The following STAB2 variants were observed in gnomAD, a reference collection of about 807,000 sequenced individuals.
STAB2 encodes the protein stabilin-2.
A neutral mutation model predicts 338.1 loss-of-function variants in STAB2; 288 were observed. That is an observed-to-expected ratio of 0.85 (90% CI 0.77 to 0.94). STAB2 has a LOEUF of 0.94. Ranked by LOEUF, STAB2 falls within the 40% of genes least tolerant of loss-of-function variation. The probability of loss-of-function intolerance (pLI) is 0.00; values close to 1 mark genes in which losing one functional copy is unlikely to be tolerated. For synonymous variants in STAB2, 1,202 were observed against 1,193.3 expected (o/e 1.01, Z -0.15); for missense variants, 3,141 against 3,210.1 (o/e 0.98, Z 0.52).
rs775404298 is a variant in STAB2 at position 103,750,693 on chromosome 12, G to A, written c.6553G>A (p.Ala2185Thr). Reference protein sequence around the residue: ...LQDNGQCHADAKCVDLHFQDT... With the variant: ...LQDNGQCHADTKCVDLHFQDT... ...GGACAATGGGCAGTGCCATGCAGAC[G>A]CCAAATGTGTCGACCTCCACTTCCA... Residue 2185 changes from alanine to threonine, a missense_variant, in exon 60 of 69, where the codon GCC becomes ACC. Ala to Thr is a moderately conservative substitution (Grantham distance 58, BLOSUM62 0). Coordinates refer to ENST00000388887, the MANE Select transcript of STAB2 (RefSeq NM_017564.10). 2.2e-5 allele frequency: 36 copies of A among 1,613,966 alleles called. No homozygotes were observed. The highest frequency in any genetic ancestry group is 2.7e-5 in the Non-Finnish European group (32 of 1,179,854).
At chr12:103,684,835 C>T (rs1236222315) in intron 26 of STAB2, among the ~76,000 whole-genome samples, 154 bp from the exon 27 acceptor site, 1 of 152,220 alleles carries the variant, frequency 6.6e-6, no homozygotes, top group Non-Finnish European at 1.5e-5. Flanking sequence ...AGGAGACTTT[C>T]ACTGCAACAC....
intron 1 of STAB2, among the ~76,000 whole-genome samples, chr12:103,588,692 G>A (rs1353980382): frequency 6.6e-6 from 1 of 152,028 alleles, no homozygotes; most frequent in Non-Finnish European, 1.5e-5. Context: ...TTAAGAAGAG[G>A]GTTTTAAATC....
At position 103,635,321 on chromosome 12, in the gene STAB2, G is replaced by A. The variant is rs561788655; in HGVS notation, c.584-1790G>A. On this transcript the variant is annotated intron_variant, in intron 6 of 68. Transcript: ENST00000388887. Reference sequence around the variant, plus strand: ...ATTCTCCTTCACTAGCTAGCAAAACGTGAAGCCTTATCAATGAAGAGTGCC... The same window carrying A: ...ATTCTCCTTCACTAGCTAGCAAAACATGAAGCCTTATCAATGAAGAGTGCC... Among the ~76,000 whole-genome samples, 112 of 152,316 alleles carry A rather than the reference G, an allele frequency of 7.4e-4. No individual in the cohort carries two copies. In the Middle Eastern group the frequency reaches 0.01, roughly 14 times the overall value.
At chr12:103,765,315 C>A (rs913292398) in intron 68 of STAB2, among the ~76,000 whole-genome samples, 2 of 152,118 alleles carry the variant, frequency 1.3e-5, no homozygotes, top group Non-Finnish European at 2.9e-5. Context: ...AGCCTAAATG[C>A]AGGATTCAGC....
chr12:103,766,698 A>G lies in STAB2; in HGVS notation c.*362A>G, dbSNP rs1191547266. On this transcript the variant is annotated 3_prime_UTR_variant, in exon 69 of 69. Transcript: ENST00000388887. The stretch of plus-strand genomic sequence containing the variant: ...CTGACACAGGAACTGTGCACAATAA[A>G]GGTTTATGGAACAGAAACAAAGTCA... 4 of 199,610 alleles carry G rather than the reference A, an allele frequency of 2.0e-5. No individual in the cohort carries two copies. Among genetic ancestry groups the G allele is most frequent in the African/African-American group, 6.9e-5 (3 of 43,346 alleles). The allele number at this position is 199,610 out of a possible 1,614,324, so 12.4% of individuals were successfully genotyped here.
At chr12:103,745,520 G>A (rs1469297113) in intron 57 of STAB2, among the ~76,000 whole-genome samples, 1 of 152,168 alleles carries the variant, frequency 6.6e-6, no homozygotes, top group Non-Finnish European at 1.5e-5. Context: ...ATGATTATAG[G>A]ACCCACCTCA....
intron 36 of STAB2, 71 bp downstream of exon 36, chr12:103,704,685 A>G: frequency 2.2e-6 from 3 of 1,362,114 alleles, no homozygotes; most frequent in Non-Finnish European, 3.1e-6. Context: ...ATGAACCTCA[A>G]GATTATGTGA....
At chr12:103,591,958 A>G (rs1470637391) in intron 2 of STAB2, among the ~76,000 whole-genome samples, 1 of 150,300 alleles carries the variant, frequency 6.7e-6, no homozygotes, top group Non-Finnish European at 1.5e-5. Context: ...TTTTTTTTTT[A>G]TTTTGCATGA....
chr12:103,692,555 C>A (rs1878028130), intron 30 of STAB2, among the ~76,000 whole-genome samples: 1 of 152,154 alleles, frequency 6.6e-6, no homozygotes, highest in Non-Finnish European at 1.5e-5. Context: ...TTATTTCTTT[C>A]TTTCTCTTTC....
intron 3 of STAB2, among the ~76,000 whole-genome samples, 187 bp from the exon 4 acceptor site, chr12:103,620,281 A>G (rs1957277565): frequency 1.3e-5 from 2 of 152,080 alleles, no homozygotes; most frequent in African/African-American, 4.8e-5. Context: ...AATACAGCAC[A>G]TGACCACATT....
At chr12:103,696,711 G>A (rs930818703) in intron 33 of STAB2, among the ~76,000 whole-genome samples, 4 of 152,144 alleles carry the variant, frequency 2.6e-5, no homozygotes, top group Non-Finnish European at 4.4e-5. Context: ...ACCCCTCTAG[G>A]TCCCTGCTGC....
At chr12:103,760,126 G>A (rs955776804) in intron 65 of STAB2, among the ~76,000 whole-genome samples, 1 of 152,182 alleles carries the variant, frequency 6.6e-6, no homozygotes, top group Admixed American at 6.5e-5. Flanking sequence ...TGGAACAGAA[G>A]GGGCACTTTC....
intron 40 of STAB2, among the ~76,000 whole-genome samples, chr12:103,712,144 C>G (rs1408817346): frequency 1.3e-5 from 2 of 152,206 alleles, no homozygotes; most frequent in African/African-American, 2.4e-5. Context: ...GAACTGACAC[C>G]TATATCTATG....
At chr12:103,607,641 G>GT (rs1012063341) in intron 3 of STAB2, among the ~76,000 whole-genome samples, 7 of 151,910 alleles carry the variant, frequency 4.6e-5, no homozygotes, top group Non-Finnish European at 8.8e-5. Flanking sequence ...GTGGTGTTTG[G>GT]TTTTTTGTCC....
chr12:103,658,714 C>G (rs1330760783), intron 15 of STAB2, among the ~76,000 whole-genome samples: 2 of 152,108 alleles, frequency 1.3e-5, no homozygotes, highest in African/African-American at 4.8e-5. Flanking sequence ...CCTCCCAGGA[C>G]CCCTACCCAT....
intron 66 of STAB2, among the ~76,000 whole-genome samples, chr12:103,761,724 G>A (rs940293400): frequency 6.6e-5 from 10 of 152,096 alleles, no homozygotes; most frequent in Non-Finnish European, 1.2e-4. Context: ...CCTCCACTTC[G>A]TAGCATCTCT....
intron 59 of STAB2, among the ~76,000 whole-genome samples, chr12:103,749,675 C>CAAA (rs34098671): frequency 1.5e-5 from 2 of 131,736 alleles, no homozygotes; most frequent in Non-Finnish European, 3.2e-5. Context: ...TAAAAAAATG[C>CAAA]AAAAAAAAAA....
At chr12:103,730,412 T>G (rs1000420282) in intron 49 of STAB2, among the ~76,000 whole-genome samples, 156 bp downstream of exon 49, 51 of 152,204 alleles carry the variant, frequency 3.4e-4, no homozygotes, top group Non-Finnish European at 6.8e-4. Flanking sequence ...TAGTAAGAAA[T>G]AAATAAGTAA....
chr12:103,600,020 C>A (rs1739582686), intron 3 of STAB2, among the ~76,000 whole-genome samples: 4 of 152,188 alleles, frequency 2.6e-5, no homozygotes, highest in Non-Finnish European at 5.9e-5. Context: ...TAATCTTGGG[C>A]AAATTACCTC....
Sources: allele counts gnomAD v4.1 joint callset (sites outside exome capture counted in the v4.1 genomes callset), GRCh38; gene constraint gnomAD v4.1.1; transcripts MANE v1.5; gene names NCBI Gene and HGNC (gene_info 2026-07-23, HGNC 2026-07-21).